The following ZMIZ1 variants were observed in gnomAD, a reference collection of about 807,000 sequenced individuals.
The protein encoded by ZMIZ1 is zinc finger MIZ domain-containing protein 1.
In ZMIZ1, 17 loss-of-function variants were observed where a neutral mutation model predicts 113.9. The ratio of observed to expected loss-of-function variants is 0.15; its 90% CI spans 0.10 to 0.22. ZMIZ1 has a LOEUF of 0.22. Ranked by LOEUF, ZMIZ1 falls within the 10% of genes least tolerant of loss-of-function variation. The probability of loss-of-function intolerance (pLI) is 1.00; values close to 1 mark genes in which losing one functional copy is unlikely to be tolerated. For missense variants in ZMIZ1, 1,059 were observed against 1,477.8 expected (o/e 0.72, Z 4.65); for synonymous variants, 607 against 603.1 (o/e 1.01, Z -0.09).
intron 4 of ZMIZ1, among the ~76,000 whole-genome samples, chr10:79,169,953 A>G (rs571435851): frequency 6.6e-6 from 1 of 152,180 alleles, no homozygotes; most frequent in Non-Finnish European, 1.5e-5. Flanking sequence ...CTCTCCAGAG[A>G]CAATGGACCC....
intron 7 of ZMIZ1, among the ~76,000 whole-genome samples, chr10:79,230,258 G>A (rs1228716523): frequency 1.3e-5 from 2 of 149,528 alleles, no homozygotes; most frequent in Admixed American, 1.3e-4. Flanking sequence ...TTTCCCCTTG[G>A]GACCACTGCT....
intron 1 of ZMIZ1, among the ~76,000 whole-genome samples, chr10:79,114,504 T>TGC (rs1554852473): frequency 7.8e-5 from 6 of 76,800 alleles, no homozygotes; most frequent in East Asian, 1.0e-3. Context: ...CGTGTGTGTG[T>TGC]GCGTGTGTGT....
intron 1 of ZMIZ1, among the ~76,000 whole-genome samples, chr10:79,091,863 C>G (rs1224115211): frequency 6.6e-6 from 1 of 152,188 alleles, no homozygotes; most frequent in Non-Finnish European, 1.5e-5. Context: ...AGGTGTGTGA[C>G]AGACTGGGTG....
chr10:79,294,945 G>A (rs371476316), intron 12 of ZMIZ1: 8 of 146,304 alleles, frequency 5.5e-5, no homozygotes, highest in Admixed American at 1.4e-4. Flanking sequence ...GAGAGAGAGG[G>A]GGGGGGGTCA....
At chr10:79,218,436 C>A (rs1030972728) in intron 7 of ZMIZ1, among the ~76,000 whole-genome samples, 1 of 152,110 alleles carries the variant, frequency 6.6e-6, no homozygotes, top group African/African-American at 2.4e-5. Flanking sequence ...GATCGAGCCA[C>A]TGCATTCCAG....
At chr10:79,224,972 A>G (rs1849143111) in intron 7 of ZMIZ1, among the ~76,000 whole-genome samples, 1 of 152,218 alleles carries the variant, frequency 6.6e-6, no homozygotes, top group African/African-American at 2.4e-5. Context: ...GCTGGCAGCT[A>G]GAATGTGCCC....
chr10:79,270,185 GTT>G (rs973130761), intron 7 of ZMIZ1, among the ~76,000 whole-genome samples: 3 of 152,218 alleles, frequency 2.0e-5, no homozygotes, highest in African/African-American at 7.2e-5. Context: ...CCGACATCTG[GTT>G]TCATTTTTTC....
At chr10:79,095,299 A>C (rs770826954) in intron 1 of ZMIZ1, among the ~76,000 whole-genome samples, 2 of 152,238 alleles carry the variant, frequency 1.3e-5, no homozygotes, top group African/African-American at 2.4e-5. Flanking sequence ...TCAAGGGAAA[A>C]ACATCTGTTT....
intron 2 of ZMIZ1, among the ~76,000 whole-genome samples, chr10:79,134,711 A>T (rs960648136): frequency 2.6e-5 from 4 of 152,362 alleles, no homozygotes; most frequent in African/African-American, 7.2e-5. Flanking sequence ...ATGTATGTTC[A>T]TGTAACTAAG....
chr10:79,093,775 T>C (rs1843072469), intron 1 of ZMIZ1, among the ~76,000 whole-genome samples: 1 of 152,192 alleles, frequency 6.6e-6, no homozygotes, highest in Non-Finnish European at 1.5e-5. Context: ...CCCATGCCCT[T>C]GCGTGCCTCT....
At chr10:79,163,769 C>T (rs1434679346) in intron 4 of ZMIZ1, among the ~76,000 whole-genome samples, 2 of 152,242 alleles carry the variant, frequency 1.3e-5, no homozygotes, top group Non-Finnish European at 2.9e-5. Flanking sequence ...GCCCAGCCCG[C>T]CAAGTCCGCT....
At chr10:79,205,118 A>G (rs1848262444) in intron 5 of ZMIZ1, among the ~76,000 whole-genome samples, 1 of 152,262 alleles carries the variant, frequency 6.6e-6, no homozygotes, top group South Asian at 2.1e-4. Flanking sequence ...CTGCCCCAGC[A>G]GACTCAATGG....
chr10:79,175,356 G>T (rs958479409), intron 4 of ZMIZ1, among the ~76,000 whole-genome samples: 1 of 152,110 alleles, frequency 6.6e-6, no homozygotes, highest in East Asian at 1.9e-4. Context: ...CTGTGTGTGG[G>T]CCTCCTCTCG....
At chr10:79,289,912 G>A (rs1278880454) in intron 9 of ZMIZ1, 23 bp downstream of exon 9, 1 of 1,605,316 alleles carries the variant, frequency 6.2e-7, no homozygotes, top group African/African-American at 1.3e-5. Flanking sequence ...ACTGCCCTCA[G>A]CCACAGCTCT....
intron 1 of ZMIZ1, among the ~76,000 whole-genome samples, chr10:79,095,501 T>G (rs942310443): frequency 9.2e-5 from 14 of 152,240 alleles, no homozygotes; most frequent in Non-Finnish European, 1.9e-4. Flanking sequence ...AGTTCTCACC[T>G]GGCCATGCGG....
intron 1 of ZMIZ1, among the ~76,000 whole-genome samples, chr10:79,103,870 C>T (rs1843458748): frequency 6.6e-6 from 1 of 152,168 alleles, no homozygotes; most frequent in Non-Finnish European, 1.5e-5. Context: ...GAGTGGTCCA[C>T]GGCTCTGCCC....
intron 1 of ZMIZ1, among the ~76,000 whole-genome samples, chr10:79,088,498 G>A (rs868251337): frequency 4.6e-5 from 7 of 152,210 alleles, no homozygotes; most frequent in East Asian, 1.9e-4. Context: ...GGGTTCTTTC[G>A]GTTAAAGGTG....
intron 8 of ZMIZ1, among the ~76,000 whole-genome samples, chr10:79,283,565 A>G (rs1852877356): frequency 6.6e-6 from 1 of 152,160 alleles, no homozygotes; most frequent in Non-Finnish European, 1.5e-5. Flanking sequence ...CACAGCTGCC[A>G]TTTTTAGCTC....
Position 79,296,729 on chromosome 10 carries a change from C to G in ZMIZ1, c.1413+76C>G, listed in dbSNP as rs188742564. ...CTCACTCCCCTAACTCCACCGGGAT[C>G]ACTCTGACCCTGCGTGTGTTTGCCC... On this transcript the variant is annotated intron_variant, in intron 13 of 24. Coordinates refer to ENST00000334512, the MANE Select transcript of ZMIZ1 (RefSeq NM_020338.4). The surrounding 1 kb of genome is among the most constrained non-coding windows in gnomAD (Gnocchi z 4.1). 1.8e-4 allele frequency: 245 copies of G among 1,394,078 alleles called. No homozygotes were observed. The East Asian group carries it at 5.9e-3, about 33-fold the overall frequency. 86.4% of individuals were successfully genotyped at this position (1,394,078 alleles called of 1,614,324 possible).
Sources: gnomAD v4.1 joint callset for allele counts (sites outside exome capture counted in the v4.1 genomes callset) on GRCh38, gnomAD v4.1.1 for gene constraint, Gnocchi (gnomAD v3.1) non-coding constraint, MANE v1.5 for transcripts, NCBI Gene and HGNC (gene_info 2026-07-23, HGNC 2026-07-21) for gene names.